The following LIN9 variants were observed in gnomAD, a reference collection of about 807,000 sequenced individuals.
LIN9 encodes the protein lin-9 DREAM MuvB core complex component.
Under a neutral mutation model 78.0 loss-of-function variants are expected in LIN9, and 18 were observed. The observed-to-expected ratio is 0.23, with a 90% CI of 0.16 to 0.34. LIN9 has a LOEUF of 0.34. LIN9 is among the 10% of genes least tolerant of loss of function. The probability of loss-of-function intolerance (pLI) is 1.00; values close to 1 mark genes in which losing one functional copy is unlikely to be tolerated. For synonymous variants in LIN9, 192 were observed against 215.2 expected (o/e 0.89, Z 0.94); for missense variants, 451 against 644.1 (o/e 0.70, Z 3.25).
At chr1:226,240,106 A>G (rs1487773366) in intron 11 of LIN9, among the ~76,000 whole-genome samples, 1 of 152,184 alleles carries the variant, frequency 6.6e-6, no homozygotes, top group African/African-American at 2.4e-5. Flanking sequence ...AAGCCATACC[A>G]TTTTACAGAG....
intron 12 of LIN9, among the ~76,000 whole-genome samples, chr1:226,237,454 G>T (rs1331176877): frequency 6.6e-6 from 1 of 151,584 alleles, no homozygotes; most frequent in Non-Finnish European, 1.5e-5. Context: ...TCAACATGGA[G>T]AAACCCTGTC....
In LIN9 at chr1:226,297,770, T is replaced by A. The variant is rs1480727116; in HGVS notation, c.108A>T (p.Leu36Phe). ...TGCCTTTCCAAACAGGTGTTTTCTG[T>A]AAAGAACTGTACTTTTCATTCCACG... Reference protein sequence around the residue: ...SNTWNEKYSSLQKTPVWKGRN... With the variant: ...SNTWNEKYSSFQKTPVWKGRN... The change falls in exon 3 of 15, where the codon TTA becomes TTT. Residue 36 changes from leucine to phenylalanine, a missense_variant. Coordinates refer to ENST00000681046, the MANE Select transcript of LIN9 (RefSeq NM_001366245.2). 1 of 1,596,456 alleles carries A rather than the reference T, an allele frequency of 6.3e-7. No homozygotes were observed. The highest frequency in any genetic ancestry group is 1.8e-5 in the Admixed American group (1 of 56,144).
intron 10 of LIN9, among the ~76,000 whole-genome samples, chr1:226,263,519 G>A (rs896381979): frequency 1.4e-4 from 22 of 152,116 alleles, no homozygotes; most frequent in Non-Finnish European, 2.9e-4. Flanking sequence ...TTTAGACATA[G>A]TGTAGTAGTA....
upstream of LIN9, chr1:226,309,205 C>T: frequency 2.7e-6 from 4 of 1,459,844 alleles, no homozygotes; most frequent in Non-Finnish European, 2.7e-6. Context: ...CGGAGACTGT[C>T]TTTGCGAGGG....
intron 11 of LIN9, among the ~76,000 whole-genome samples, chr1:226,241,192 A>G (rs1388792685): frequency 6.6e-6 from 1 of 152,228 alleles, no homozygotes; most frequent in African/African-American, 2.4e-5. Context: ...GTTTTTGTGA[A>G]GTTAAAACCA....
At chr1:226,298,565 T>C (rs1044572201) in intron 2 of LIN9, among the ~76,000 whole-genome samples, 3 of 152,168 alleles carry the variant, frequency 2.0e-5, no homozygotes, top group African/African-American at 7.2e-5. Context: ...ACTTGATATA[T>C]AAAAAGGAAA....
At chr1:226,287,143 A>G (rs1286630743) in intron 5 of LIN9, among the ~76,000 whole-genome samples, 1 of 152,198 alleles carries the variant, frequency 6.6e-6, no homozygotes, top group Non-Finnish European at 1.5e-5. Context: ...AGGATTATAA[A>G]TAAGAACTTT....
At chr1:226,267,936 G>A in intron 8 of LIN9, 21 bp downstream of exon 8, 12 of 1,603,640 alleles carry the variant, frequency 7.5e-6, no homozygotes, top group Non-Finnish European at 1.0e-5. Flanking sequence ...AAACACAAAT[G>A]TATTATGAAA....
chr1:226,309,060 G>A (rs532301589), intron 1 of LIN9, 49 bp downstream of exon 1: 19 of 1,305,870 alleles, frequency 1.5e-5, no homozygotes, highest in Middle Eastern at 2.9e-4. Flanking sequence ...GCAACCGCTG[G>A]GCAAGCAGCA....
intron 3 of LIN9, among the ~76,000 whole-genome samples, chr1:226,297,072 C>G (rs920476089): frequency 2.6e-5 from 4 of 152,126 alleles, no homozygotes; most frequent in Non-Finnish European, 4.4e-5. Flanking sequence ...CCATTCTACA[C>G]TGCCCCCCTT....
Position 226,300,001 on chromosome 1 carries a change from C to T in LIN9, c.64+1172G>A, listed in dbSNP as rs190981996. ...ACTCCCAGACTGGAGTGTGGTGGCG[C>T]GATCTTGGCTTACGGCAATCTCTGC... On this transcript the variant is annotated intron_variant, in intron 2 of 14. Transcript: ENST00000681046. Among the ~76,000 whole-genome samples the T allele has an allele frequency of 9.3e-4, 140 of 150,966 alleles. 3 individuals are homozygous for T. Among genetic ancestry groups the T allele is most frequent in the Admixed American group, 9.1e-3 (138 of 15,146 alleles).
intron 12 of LIN9, among the ~76,000 whole-genome samples, chr1:226,235,795 C>G (rs1280210678): frequency 6.6e-6 from 1 of 152,198 alleles, no homozygotes; most frequent in African/African-American, 2.4e-5. Flanking sequence ...GAAACAAACA[C>G]TCAGAAAAAT....
At chr1:226,299,080 T>C (rs575271612) in intron 2 of LIN9, among the ~76,000 whole-genome samples, 5 of 152,314 alleles carry the variant, frequency 3.3e-5, no homozygotes, top group Admixed American at 3.3e-4. Context: ...GTAAAAAAGA[T>C]GTTTATATAG....
chr1:226,284,246 T>C (rs993729640), intron 6 of LIN9, among the ~76,000 whole-genome samples: 2 of 152,134 alleles, frequency 1.3e-5, no homozygotes, highest in African/African-American at 4.8e-5. Flanking sequence ...ATCTGGATTT[T>C]CTTTTCTTTT....
intron 10 of LIN9, among the ~76,000 whole-genome samples, chr1:226,261,963 A>C (rs1464432103): frequency 6.6e-6 from 1 of 152,220 alleles, no homozygotes; most frequent in Non-Finnish European, 1.5e-5. Flanking sequence ...CCAGAAATAA[A>C]TCCACATAGT....
intron 4 of LIN9, among the ~76,000 whole-genome samples, chr1:226,289,425 C>T (rs1477688061): frequency 6.6e-6 from 1 of 151,998 alleles, no homozygotes; most frequent in Non-Finnish European, 1.5e-5. Flanking sequence ...TGCAGTGGTG[C>T]AAACATTGCT....
intron 12 of LIN9, 98 bp downstream of exon 12, chr1:226,238,873 A>T: frequency 8.2e-7 from 1 of 1,213,168 alleles, no homozygotes; most frequent in South Asian, 1.4e-5. Context: ...AAAGGACTTT[A>T]TGAAGATATT....
At chr1:226,269,955 G>A (rs577151235) in intron 7 of LIN9, among the ~76,000 whole-genome samples, 3 of 152,054 alleles carry the variant, frequency 2.0e-5, no homozygotes, top group Admixed American at 6.6e-5. Context: ...TGGGAGTCTC[G>A]CTCCGTTGCC....
chr1:226,250,783 TCTCA>T (rs200360309), intron 11 of LIN9, 52 bp downstream of exon 11: 56,542 of 847,572 alleles, frequency 0.067, 2,579 homozygotes, highest in South Asian at 0.17. Flanking sequence ...ATATAGATGG[TCTCA>T]CTATTTTAAA....
Sources: allele counts gnomAD v4.1 joint callset (sites outside exome capture counted in the v4.1 genomes callset), GRCh38; gene constraint gnomAD v4.1.1; transcripts MANE v1.5; gene names NCBI Gene and HGNC (gene_info 2026-07-23, HGNC 2026-07-21).